The following KCNIP4 variants were observed in gnomAD, a reference collection of about 807,000 sequenced individuals.
The protein encoded by KCNIP4 is potassium voltage-gated channel interacting protein 4, also known as Kv channel-interacting protein 4.
A neutral mutation model predicts 34.0 loss-of-function variants in KCNIP4; 12 were observed. The ratio of observed to expected loss-of-function variants is 0.35; its 90% confidence interval spans 0.23 to 0.57. The LOEUF (loss-of-function observed/expected upper bound fraction) is 0.57. Ranked by LOEUF, KCNIP4 falls within the 20% of genes least tolerant of loss-of-function variation. The probability of loss-of-function intolerance (pLI) is 0.83; values close to 1 mark genes in which losing one functional copy is unlikely to be tolerated. For missense variants in KCNIP4, 238 were observed against 311.7 expected, an observed-to-expected ratio of 0.76 and a Z score of 1.78; for synonymous variants, 124 against 102.2, an observed-to-expected ratio of 1.21 and a Z score of -1.29.
intron 1 of KCNIP4, among the ~76,000 whole-genome samples, chr4:21,669,022 C>A (rs190896543): frequency 6.6e-6 from 1 of 152,280 alleles, no homozygotes; most frequent in Admixed American, 6.5e-5. Context: ...TCCTCCTCAG[C>A]CTACTCAATG....
chr4:21,339,462 T>G (rs371509463), intron 1 of KCNIP4, among the ~76,000 whole-genome samples: 1 of 152,202 alleles, frequency 6.6e-6, no homozygotes, highest in Non-Finnish European at 1.5e-5. Context: ...ATTTGAATAG[T>G]AGCATGACAA....
chr4:21,629,057 G>T (rs1407159399), intron 1 of KCNIP4, among the ~76,000 whole-genome samples: 3 of 152,108 alleles, frequency 2.0e-5, no homozygotes. Flanking sequence ...GTGTTGGGTG[G>T]GTCACAGGTC....
chr4:21,764,544 T>C (rs1718277592), intron 1 of KCNIP4, among the ~76,000 whole-genome samples: 1 of 152,116 alleles, frequency 6.6e-6, no homozygotes, highest in South Asian at 2.1e-4. Flanking sequence ...TGATTAATTA[T>C]GTCTGGTCAG....
intron 1 of KCNIP4, among the ~76,000 whole-genome samples, chr4:21,610,669 T>G (rs1211645388): frequency 6.6e-6 from 1 of 152,112 alleles, no homozygotes; most frequent in Admixed American, 6.6e-5. Flanking sequence ...TTTGTGTAAA[T>G]GAGTTTATTC....
At chr4:21,368,903 A>G (rs1720063224) in intron 1 of KCNIP4, among the ~76,000 whole-genome samples, 1 of 147,328 alleles carries the variant, frequency 6.8e-6, no homozygotes, top group Non-Finnish European at 1.5e-5. Context: ...TGGAATGGCC[A>G]AGAACAGTCT....
At chr4:20,909,857 G>A (rs1050701110) in intron 1 of KCNIP4, among the ~76,000 whole-genome samples, 1 of 152,022 alleles carries the variant, frequency 6.6e-6, no homozygotes, top group African/African-American at 2.4e-5. Flanking sequence ...CTAGAGAGTA[G>A]GTGCAATTGA....
chr4:21,260,894 C>T (rs997525889), intron 1 of KCNIP4, among the ~76,000 whole-genome samples: 1 of 152,138 alleles, frequency 6.6e-6, no homozygotes, highest in Non-Finnish European at 1.5e-5. Flanking sequence ...GTCACTACAG[C>T]CAAGGATACA....
intron 1 of KCNIP4, among the ~76,000 whole-genome samples, chr4:21,208,665 C>T (rs940515797): frequency 3.3e-5 from 5 of 152,028 alleles, no homozygotes; most frequent in South Asian, 2.1e-4. Flanking sequence ...CTGCAATTAC[C>T]GTGCCTATTG....
At chr4:21,811,747 G>A (rs190802100) in intron 1 of KCNIP4, among the ~76,000 whole-genome samples, 1 of 152,352 alleles carries the variant, frequency 6.6e-6, no homozygotes, top group African/African-American at 2.4e-5. Flanking sequence ...TGTGTGGAAT[G>A]ACAGGATAAA....
chr4:21,308,711 A>AGTGT (rs10525935), intron 1 of KCNIP4, among the ~76,000 whole-genome samples: 8,831 of 149,938 alleles, frequency 0.059, 274 homozygotes, highest in South Asian at 0.076. Flanking sequence ...CTGCCGTGTG[A>AGTGT]GTGTGTGTGT....
At chr4:21,468,643 A>G (rs910827585) in intron 1 of KCNIP4, among the ~76,000 whole-genome samples, 1 of 152,148 alleles carries the variant, frequency 6.6e-6, no homozygotes, top group Non-Finnish European at 1.5e-5. Flanking sequence ...ACCCAGAGAA[A>G]GAGAAAAAAA....
intron 1 of KCNIP4, among the ~76,000 whole-genome samples, chr4:21,355,935 A>T (rs946793407): frequency 6.6e-6 from 1 of 152,200 alleles, no homozygotes; most frequent in Non-Finnish European, 1.5e-5. Flanking sequence ...CCAGCAGCAC[A>T]TCAAAAAGCT....
chr4:21,611,104 T>C (rs1179756304), intron 1 of KCNIP4, among the ~76,000 whole-genome samples: 1 of 152,192 alleles, frequency 6.6e-6, no homozygotes, highest in Non-Finnish European at 1.5e-5. Flanking sequence ...TTGCTGAGAA[T>C]GATAGTTTCC....
chr4:21,235,332 C>A (rs1759277832), intron 1 of KCNIP4, among the ~76,000 whole-genome samples: 2 of 152,148 alleles, frequency 1.3e-5, no homozygotes, highest in Admixed American at 6.6e-5. Flanking sequence ...AGAACTGGCT[C>A]CTGGCTCTCT....
rs2109881863 is a variant in KCNIP4, at chr4:21,498,946, A to C, written c.61+449625T>G. On this transcript the variant is annotated intron_variant, in intron 1 of 8. Transcript: ENST00000382152. ...AAACAGATACTACAATTGTGCTGGC[A>C]AATGGTAAACTCACAGCCAGGAAAG... Among the ~76,000 whole-genome samples the C allele has an allele frequency of 1.3e-5, 2 of 152,310 alleles. 1 individual carries two copies. Among genetic ancestry groups the C allele is most frequent in the South Asian group, 4.1e-4 (2 of 4,830 alleles).
intron 1 of KCNIP4, among the ~76,000 whole-genome samples, chr4:21,863,702 A>T (rs932286558): frequency 2.6e-5 from 4 of 152,158 alleles, no homozygotes; most frequent in African/African-American, 9.7e-5. Flanking sequence ...GAAAGGAGAA[A>T]AAAGGGAAAA....
chr4:21,773,755 T>TTTGTTTG lies in KCNIP4; in HGVS notation c.61+174815_61+174816insCAAACAA, dbSNP rs1553930264. Reference sequence around the variant, plus strand: ...CTGTTTTTTTTTGTTGTTTTTTTTTTTTTGTTTGTTTGTTTTTGTTTTGTT... The same window carrying TTTGTTTG: ...CTGTTTTTTTTTGTTGTTTTTTTTTTTTGTTTGTTTGTTTGTTTGTTTTTGTTTTGTT... On this transcript the variant is annotated intron_variant, in intron 1 of 8. Coordinates refer to ENST00000382152, the MANE Select transcript of KCNIP4 (RefSeq NM_025221.6). Among the ~76,000 whole-genome samples, 9 of 137,920 alleles carry TTTGTTTG rather than the reference T, an allele frequency of 6.5e-5. 1 individual carries two copies. The South Asian group carries it at 1.0e-3, about 16-fold the overall frequency. The allele number at this position is 137,920 out of a possible 152,430, so 90.5% of individuals were successfully genotyped here.
At chr4:21,069,669 A>G (rs533227886) in intron 1 of KCNIP4, among the ~76,000 whole-genome samples, 1 of 152,342 alleles carries the variant, frequency 6.6e-6, no homozygotes, top group East Asian at 1.9e-4. Flanking sequence ...GACAATGACC[A>G]AGCTTATGGG....
chr4:20,786,525 A>G (rs1039892103), intron 3 of KCNIP4, among the ~76,000 whole-genome samples: 2 of 152,186 alleles, frequency 1.3e-5, no homozygotes, highest in Admixed American at 6.6e-5. Context: ...ATTTTTCCAT[A>G]TTTCTATAAT....
Sources: allele counts gnomAD v4.1 joint callset (sites outside exome capture counted in the v4.1 genomes callset), GRCh38; gene constraint gnomAD v4.1.1; transcripts MANE v1.5; gene names NCBI Gene and HGNC (gene_info 2026-07-23, HGNC 2026-07-21).